PTPRD: variants seen among roughly 807,000 people sequenced by gnomAD.
PTPRD encodes the protein receptor-type tyrosine-protein phosphatase delta.
Under a neutral mutation model 214.5 loss-of-function variants are expected in PTPRD, and 34 were observed. That is an observed-to-expected ratio of 0.16 (90% CI 0.12 to 0.21). The LOEUF (loss-of-function observed/expected upper bound fraction) is 0.21. Ranked by LOEUF, PTPRD falls within the 10% of genes least tolerant of loss-of-function variation. The pLI, the probability that PTPRD is intolerant of heterozygous loss-of-function variation, is 1.00. For synonymous variants in PTPRD, 1,128 were observed against 845.7 expected (o/e 1.33, Z -5.79); for missense variants, 2,545 against 2,398.7 (o/e 1.06, Z -1.27).
intron 5 of PTPRD, among the ~76,000 whole-genome samples, chr9:9,911,573 TA>T (rs1336848287): frequency 4.0e-5 from 6 of 150,694 alleles, no homozygotes; most frequent in African/African-American, 1.5e-4. Flanking sequence ...TTAATAAAGT[TA>T]ACATTCTGGA....
rs546313378 is a variant in PTPRD, at chr9:9,071,912, C to A, written c.-142-53177G>T. 3.2e-4 allele frequency among the ~76,000 whole-genome samples: 49 copies of A among 152,230 alleles called. 1 individual carries two copies. The South Asian group carries it at 8.5e-3, about 26-fold the overall frequency. ...CCGTCATACTTGAGAGTAAAATATG[C>A]TTTTAACCTGTTTGTGTATAACACA... On this transcript the variant is annotated intron_variant, in intron 10 of 45. Transcript: ENST00000381196.
At chr9:8,453,120 C>T (rs1010600823) in intron 33 of PTPRD, among the ~76,000 whole-genome samples, 1 of 152,140 alleles carries the variant, frequency 6.6e-6, no homozygotes, top group Non-Finnish European at 1.5e-5. Flanking sequence ...TGGTTCAACT[C>T]TCTCATTTTA....
chr9:9,904,160 T>C (rs1253490268), intron 5 of PTPRD, among the ~76,000 whole-genome samples: 1 of 152,132 alleles, frequency 6.6e-6, no homozygotes, highest in Non-Finnish European at 1.5e-5. Flanking sequence ...AGATGGGTGG[T>C]ACAGTGTGTC....
chr9:9,312,077 A>T (rs1020151842), intron 9 of PTPRD, among the ~76,000 whole-genome samples: 4 of 152,222 alleles, frequency 2.6e-5, no homozygotes, highest in Non-Finnish European at 5.9e-5. Context: ...TAAAAATTTT[A>T]AAATCCCTCA....
chr9:10,268,927 T>C (rs1010116592), intron 3 of PTPRD, among the ~76,000 whole-genome samples: 1 of 152,230 alleles, frequency 6.6e-6, no homozygotes, highest in African/African-American at 2.4e-5. Context: ...CTGTGCGTTG[T>C]AGAATGCCTG....
intron 11 of PTPRD, among the ~76,000 whole-genome samples, chr9:8,908,959 T>C (rs569510432): frequency 6.7e-6 from 1 of 149,882 alleles, no homozygotes; most frequent in East Asian, 1.9e-4. Flanking sequence ...AAATTATATA[T>C]AATAATTATG....
chr9:8,520,269 A>G (rs1051766446), intron 20 of PTPRD, among the ~76,000 whole-genome samples: 2 of 152,172 alleles, frequency 1.3e-5, no homozygotes, highest in Admixed American at 6.6e-5. Flanking sequence ...ACAATATAAC[A>G]TTATTTCACG....
At chr9:9,917,760 T>C (rs868499948) in intron 5 of PTPRD, among the ~76,000 whole-genome samples, 8 of 152,150 alleles carry the variant, frequency 5.3e-5, no homozygotes, top group African/African-American at 1.4e-4. Flanking sequence ...AAATGGGAGT[T>C]ATCTCAGAAA....
At chr9:9,396,736 T>G (rs1354398920) in intron 9 of PTPRD, among the ~76,000 whole-genome samples, 1 of 152,002 alleles carries the variant, frequency 6.6e-6, no homozygotes, top group African/African-American at 2.4e-5. Context: ...AATGCAACAC[T>G]TTCTCTCAAT....
chr9:8,869,606 C>T (rs184673215), intron 11 of PTPRD, among the ~76,000 whole-genome samples: 1 of 152,042 alleles, frequency 6.6e-6, no homozygotes, highest in East Asian at 1.9e-4. Flanking sequence ...TAACTCAATT[C>T]AAATTTATTG....
rs111229765 is a variant in PTPRD, at chr9:9,926,199, T to A, written c.-368+12308A>T. Among the ~76,000 whole-genome samples the A allele has an allele frequency of 9.2e-3, 1,398 of 152,220 alleles. 18 individuals carry two copies. The highest frequency in any genetic ancestry group is 0.032 in the African/African-American group (1,335 of 41,530). On this transcript the variant is annotated intron_variant, in intron 5 of 45. Transcript: ENST00000381196. ...ATCTTATACTTACCTAATATTTTCC[T>A]AAGTCAAGCCCTTGAAAACTCAGTA...
At chr9:8,510,150 G>A (rs2097648298) in intron 21 of PTPRD, among the ~76,000 whole-genome samples, 1 of 151,814 alleles carries the variant, frequency 6.6e-6, no homozygotes, top group African/African-American at 2.4e-5. Context: ...AAATCAGCTG[G>A]GCATGGTGGA....
At chr9:10,174,401 C>G (rs1808856987) in intron 3 of PTPRD, among the ~76,000 whole-genome samples, 1 of 152,124 alleles carries the variant, frequency 6.6e-6, no homozygotes, top group Admixed American at 6.6e-5. Flanking sequence ...GGCTCCCTTT[C>G]ACCTTCCACC....
At chr9:10,320,730 G>C (rs901521679) in intron 3 of PTPRD, among the ~76,000 whole-genome samples, 1 of 151,770 alleles carries the variant, frequency 6.6e-6, no homozygotes, top group African/African-American at 2.4e-5. Context: ...ATTGATTTTT[G>C]TTTGTTTGTT....
At position 8,499,636 on chromosome 9, in the gene PTPRD, C is replaced by T. The variant is rs2136798606; in HGVS notation, c.2322+11G>A. The T allele has an allele frequency of 6.2e-7, 1 of 1,603,386 alleles. No homozygotes were observed. Among genetic ancestry groups the T allele is most frequent in the Non-Finnish European group, 8.5e-7 (1 of 1,176,998 alleles). On this transcript the variant is annotated intron_variant, in intron 25 of 45. Coordinates refer to ENST00000381196, the MANE Select transcript of PTPRD (RefSeq NM_002839.4). Reference sequence around the variant, plus strand: ...ATATAAAAACAGAGGTACATAATTTCAGAGGCTTACCTGTGCATCAGCCAG... The same window carrying T: ...ATATAAAAACAGAGGTACATAATTTTAGAGGCTTACCTGTGCATCAGCCAG...
At chr9:9,694,192 T>A (rs1429396216) in intron 7 of PTPRD, among the ~76,000 whole-genome samples, 2 of 152,128 alleles carry the variant, frequency 1.3e-5, no homozygotes, top group East Asian at 3.9e-4. Flanking sequence ...AAGAGTTAGG[T>A]ATTTATTGTA....
In PTPRD at chr9:10,417,815, G is replaced by A. The variant is rs1036784180; in HGVS notation, c.-599-76798C>T. 1.9e-4 allele frequency among the ~76,000 whole-genome samples: 29 copies of A among 151,824 alleles called. No homozygotes were observed. In the South Asian group the frequency reaches 2.9e-3, roughly 15 times the overall value. On this transcript the variant is annotated intron_variant, in intron 2 of 45. Transcript: ENST00000381196. ...TGAACTGAATCTTAATTAGAGAAGC[G>A]ATCTAGTCTTCACTGTTTGCATATT...
chr9:10,345,158 T>C (rs2097047739), intron 2 of PTPRD, among the ~76,000 whole-genome samples: 1 of 152,256 alleles, frequency 6.6e-6, no homozygotes, highest in Middle Eastern at 3.4e-3. Context: ...ACTGGGCAAA[T>C]TCAAAATTAT....
chr9:10,056,596 T>C (rs2097653510), intron 3 of PTPRD, among the ~76,000 whole-genome samples: 1 of 152,088 alleles, frequency 6.6e-6, no homozygotes, highest in Admixed American at 6.6e-5. Flanking sequence ...TGAATAACCA[T>C]AGGAACAATA....
Sources: allele counts gnomAD v4.1 joint callset (sites outside exome capture counted in the v4.1 genomes callset), GRCh38; gene constraint gnomAD v4.1.1; transcripts MANE v1.5; gene names NCBI Gene and HGNC (gene_info 2026-07-23, HGNC 2026-07-21).